The following MAP3K9 variants were observed in gnomAD, a reference collection of about 807,000 sequenced individuals.
The protein encoded by MAP3K9 is mitogen-activated protein kinase kinase kinase 9, also known as mixed lineage kinase 1 (tyr and ser/thr specificity).
Under a neutral mutation model 95.8 loss-of-function variants are expected in MAP3K9, and 46 were observed. The ratio of observed to expected loss-of-function variants is 0.48; its 90% CI spans 0.38 to 0.61. The LOEUF is 0.61. MAP3K9 is among the 20% of genes least tolerant of loss of function. MAP3K9 has a pLI of 0.00. For missense variants in MAP3K9, 1,296 were observed against 1,474.3 expected (o/e 0.88, Z 1.98); for synonymous variants, 533 against 593.8 (o/e 0.90, Z 1.49).
rs1382309669 is a variant in MAP3K9 at position 70,764,049 on chromosome 14, G to A, written c.821-2867C>T. Among the ~76,000 whole-genome samples the A allele has an allele frequency of 6.1e-5, 9 of 148,420 alleles. No homozygotes were observed. The East Asian group carries it at 7.8e-4, about 13-fold the overall frequency. On this transcript the variant is annotated intron_variant, in intron 2 of 11. Coordinates refer to ENST00000554752, the MANE Select transcript of MAP3K9 (RefSeq NM_001284230.2). ...AAATACAAAAAAATTAGCTGGGCGCGGTGGCGGGCGCTTGTAGACCCAGCT... is the reference window on the plus strand; with the variant it reads ...AAATACAAAAAAATTAGCTGGGCGCAGTGGCGGGCGCTTGTAGACCCAGCT...
At chr14:70,786,309 CA>C (rs1385059897) in intron 2 of MAP3K9, among the ~76,000 whole-genome samples, 1 of 152,132 alleles carries the variant, frequency 6.6e-6, no homozygotes, top group Non-Finnish European at 1.5e-5. Context: ...GTGCCAATAA[CA>C]GGGAGATTAT....
At chr14:70,733,722 G>T in intron 10 of MAP3K9, 1 of 718,406 alleles carries the variant, frequency 1.4e-6, no homozygotes, top group South Asian at 1.5e-5. Context: ...GGGAGACTAA[G>T]ATGGGAGTCA....
rs2053798543 is a variant in MAP3K9, at chr14:70,724,813, T to G, written c.*5567A>C. Reference sequence around the variant, plus strand: ...CTCCGCTTGTGACTACTCTGACCTCTGGGTTCAGAATGCCCAGACGTCTAT... The same window carrying G: ...CTCCGCTTGTGACTACTCTGACCTCGGGGTTCAGAATGCCCAGACGTCTAT... On this transcript the variant is annotated 3_prime_UTR_variant, in exon 12 of 12. Transcript: ENST00000554752. The G allele has an allele frequency of 6.6e-6, 1 of 152,076 alleles. No homozygotes were observed. Among genetic ancestry groups the G allele is most frequent in the Non-Finnish European group, 1.5e-5 (1 of 67,984 alleles). 9.4% of individuals were successfully genotyped at this position (152,076 alleles called of 1,614,324 possible). A position where few individuals can be genotyped will look rare whatever the true frequency, so the allele number is the denominator to read the frequency against.
At chr14:70,781,220 T>C (rs183762040) in intron 2 of MAP3K9, among the ~76,000 whole-genome samples, 84 of 152,368 alleles carry the variant, frequency 5.5e-4, no homozygotes, top group Non-Finnish European at 7.5e-4. Flanking sequence ...ACTGGAACAC[T>C]TGGGTCTGCA....
chr14:70,790,062 T>C (rs182781172), intron 2 of MAP3K9, among the ~76,000 whole-genome samples: 1 of 152,308 alleles, frequency 6.6e-6, no homozygotes, highest in African/African-American at 2.4e-5. Context: ...GGCGACTAAC[T>C]GTGTCCTGCT....
intron 2 of MAP3K9, among the ~76,000 whole-genome samples, chr14:70,774,194 A>G (rs1403460481): frequency 1.3e-5 from 2 of 152,236 alleles, no homozygotes; most frequent in Non-Finnish European, 2.9e-5. Flanking sequence ...TGTGCTAAAT[A>G]GGCAAGGGGT....
At chr14:70,803,225 G>A (rs979285418) in intron 1 of MAP3K9, among the ~76,000 whole-genome samples, 1 of 151,350 alleles carries the variant, frequency 6.6e-6, no homozygotes, top group Admixed American at 6.6e-5. Flanking sequence ...AGAACCGTGA[G>A]CCAGTTAAAC....
chr14:70,730,343 C>T lies in MAP3K9; in HGVS notation c.*37G>A, dbSNP rs2053877485. On this transcript the variant is annotated 3_prime_UTR_variant, in exon 12 of 12. Transcript: ENST00000554752. ...TGCCCGCCAGCTCCCCTCATCTCCG[C>T]TGGCTGTCCCCCTTGCCCGCCCCAA... 1.3e-6 allele frequency: 2 copies of T among 1,576,102 alleles called. No individual in the cohort carries two copies. The highest frequency in any genetic ancestry group is 2.7e-5 in the African/African-American group (2 of 74,366).
chr14:70,806,409 A>G (rs1378957571), intron 1 of MAP3K9, among the ~76,000 whole-genome samples: 1 of 152,230 alleles, frequency 6.6e-6, no homozygotes. Context: ...GACTGAAACT[A>G]AATTTTCTGA....
Position 70,730,253 on chromosome 14 carries a change from A to C in MAP3K9, c.*127T>G, listed in dbSNP as rs1594759488. On this transcript the variant is annotated 3_prime_UTR_variant, in exon 12 of 12. Transcript: ENST00000554752. ...CCCTGTTTCCATCCCTTCCATCTTCAAAGTGCATTATCAGTGCAAGAAGTA... is the reference window on the plus strand; with the variant it reads ...CCCTGTTTCCATCCCTTCCATCTTCCAAGTGCATTATCAGTGCAAGAAGTA... The C allele has an allele frequency of 7.3e-7, 1 of 1,372,926 alleles. No homozygotes were observed. The highest frequency in any genetic ancestry group is 1.4e-5 in the African/African-American group (1 of 69,000). The allele number at this position is 1,372,926 out of a possible 1,614,324, so 85.0% of individuals were successfully genotyped here.
Position 70,809,347 on chromosome 14 carries a change from G to A in MAP3K9, c.-176C>T, listed in dbSNP as rs2055041019. 5.0e-6 allele frequency: 4 copies of A among 792,484 alleles called. No homozygotes were observed. Among genetic ancestry groups the A allele is most frequent in the Non-Finnish European group, 5.1e-6 (3 of 587,552 alleles). The allele number at this position is 792,484 out of a possible 1,614,324, so 49.1% of individuals were successfully genotyped here. A position where few individuals can be genotyped will look rare whatever the true frequency, so the allele number is the denominator to read the frequency against. On this transcript the variant is annotated 5_prime_UTR_variant, in exon 1 of 12. Transcript: ENST00000554752. ...CTCGCCGGCGCTGTTACCGCGGTAC[G>A]AGAAGAGCGCCGAGCGCGAGCTCTT...
At position 70,727,178 on chromosome 14, in the gene MAP3K9, G is replaced by A. The variant is rs1422390546; in HGVS notation, c.*3202C>T. On this transcript the variant is annotated 3_prime_UTR_variant, in exon 12 of 12. Coordinates refer to ENST00000554752, the MANE Select transcript of MAP3K9 (RefSeq NM_001284230.2). ...TAGCACTATTCTGAGTTGTCCAGATGTAAGATATCATTGTTGCTATTACTG... is the reference window on the plus strand; with the variant it reads ...TAGCACTATTCTGAGTTGTCCAGATATAAGATATCATTGTTGCTATTACTG... The A allele has an allele frequency of 6.6e-6, 1 of 152,214 alleles. No homozygotes were observed. Among genetic ancestry groups the A allele is most frequent in the African/African-American group, 2.4e-5 (1 of 41,448 alleles). 9.4% of individuals were successfully genotyped at this position (152,214 alleles called of 1,614,324 possible).
Position 70,809,296 on chromosome 14 carries a change from C to T in MAP3K9, c.-125G>A. 2 of 1,192,690 alleles carry T rather than the reference C, an allele frequency of 1.7e-6. No homozygotes were observed. The highest frequency in any genetic ancestry group is 2.1e-6 in the Non-Finnish European group (2 of 948,992). The allele number at this position is 1,192,690 out of a possible 1,614,324, so 73.9% of individuals were successfully genotyped here. ...AACGACGGCGGCCGCAGGTAGGGCC[C>T]GGGCTGGCAGGGCTGGGAGAGCCGG... On this transcript the variant is annotated 5_prime_UTR_variant, in exon 1 of 12. Transcript: ENST00000554752.
Position 70,730,864 on chromosome 14 carries a change from C to T in MAP3K9, c.2831G>A (p.Gly944Glu), listed in dbSNP as rs188647861. 122 of 1,594,772 alleles carry T rather than the reference C, an allele frequency of 7.7e-5. No homozygotes were observed. The African/African-American group carries it at 1.2e-3, about 16-fold the overall frequency. ...GCTGGGACTGGGGGTTTTCAACATT[C>T]CTGGTCAAAAAGACAAAAGGAGAAG... ...SNGLSPSPGA[G>E]MLKTPSPSRD... is the part of the protein sequence containing the mutation. The change falls in exon 12 of 12, where the codon GGA (glycine) becomes GAA (glutamate). Residue 944 changes from glycine to glutamate, a missense_variant and splice_region_variant. By Grantham distance (98) the Gly-to-Glu change is moderately conservative. Coordinates refer to ENST00000554752, the MANE Select transcript of MAP3K9 (RefSeq NM_001284230.2).
At chr14:70,763,461 C>T (rs1465938976) in intron 2 of MAP3K9, among the ~76,000 whole-genome samples, 2 of 148,924 alleles carry the variant, frequency 1.3e-5, no homozygotes, top group Non-Finnish European at 3.0e-5. Flanking sequence ...AACAGCATAG[C>T]ATATACAATT....
At position 70,724,454 on chromosome 14, in the gene MAP3K9, C is replaced by T. The variant is rs1244791669; in HGVS notation, c.*5926G>A. 8 of 152,124 alleles carry T rather than the reference C, an allele frequency of 5.3e-5. No homozygotes were observed. The highest frequency in any genetic ancestry group is 1.9e-4 in the African/African-American group (8 of 41,408). The allele number at this position is 152,124 out of a possible 1,614,324, so 9.4% of individuals were successfully genotyped here. On this transcript the variant is annotated 3_prime_UTR_variant, in exon 12 of 12. Transcript: ENST00000554752. The stretch of plus-strand genomic sequence containing the variant: ...GTATTTCACAGTGGTACCTAAGCCC[C>T]TCTCACAGGTCCAGGTGAGGGGCAG...
intron 3 of MAP3K9, 122 bp from the exon 4 acceptor site, chr14:70,750,203 GA>G (rs2054205874): frequency 2.2e-6 from 2 of 901,246 alleles, no homozygotes; most frequent in Admixed American, 5.5e-5. Flanking sequence ...TAATGAAACA[GA>G]AATACTAATG....
At chr14:70,765,484 T>A (rs980730754) in intron 2 of MAP3K9, 1 of 692,944 alleles carries the variant, frequency 1.4e-6, no homozygotes, top group Admixed American at 2.1e-5. Context: ...TCATGGTGAG[T>A]GTTCTGTAAA....
At chr14:70,750,523 TGC>T (rs2054211197) in intron 3 of MAP3K9, among the ~76,000 whole-genome samples, 1 of 152,102 alleles carries the variant, frequency 6.6e-6, no homozygotes. Flanking sequence ...TTCGCTCGGT[TGC>T]TCAGGCTGGA....
Sources: gnomAD v4.1 joint callset for allele counts (sites outside exome capture counted in the v4.1 genomes callset) on GRCh38, gnomAD v4.1.1 for gene constraint, MANE v1.5 for transcripts, NCBI Gene and HGNC (gene_info 2026-07-23, HGNC 2026-07-21) for gene names.